The following ADGRF4 variants were observed in gnomAD, a reference collection of about 807,000 sequenced individuals.
The protein encoded by ADGRF4 is G-protein coupled receptor PGR18.
ADGRF4 carries 63 observed loss-of-function variants against 58.5 expected under a neutral mutation model. That is an observed-to-expected ratio of 1.08 (90% CI 0.88 to 1.33). The LOEUF (loss-of-function observed/expected upper bound fraction) is 1.33, where lower values mean the gene tolerates loss of function less well. Ranked by LOEUF, ADGRF4 falls within the 40% of genes most tolerant of loss-of-function variation. The probability of loss-of-function intolerance (pLI) is 0.00; values close to 1 mark genes in which losing one functional copy is unlikely to be tolerated. For synonymous variants in ADGRF4, 313 were observed against 295.4 expected (o/e 1.06, Z -0.61); for missense variants, 931 against 843.9 (o/e 1.10, Z -1.28).
chr6:47,702,022 A>G (rs1051391977), intron 1 of ADGRF4, among the ~76,000 whole-genome samples: 1 of 152,048 alleles, frequency 6.6e-6, no homozygotes, highest in African/African-American at 2.4e-5. Context: ...TGTATTTAGT[A>G]GAGAGGGGGT....
chr6:47,713,769 AGTATAAT>A, intron 5 of ADGRF4, 22 bp from the exon 6 acceptor site: 1 of 1,475,844 alleles, frequency 6.8e-7, no homozygotes. Context: ...GTAAATCCTT[AGTATAAT>A]GTTCACCTTT....
At chr6:47,710,622 C>A (rs1771837254) in intron 3 of ADGRF4, 113 bp from the exon 4 acceptor site, 2 of 1,055,472 alleles carry the variant, frequency 1.9e-6, no homozygotes, top group Admixed American at 2.6e-5. Context: ...AACCCAATTG[C>A]CTCCTCCAGG....
Position 47,714,398 on chromosome 6 carries a change from A to C in ADGRF4, c.1153A>C (p.Met385Leu), listed in dbSNP as rs781070462. Residue 385 changes from methionine to leucine, a missense_variant, in exon 6 of 10, where the codon ATG becomes CTG. Physicochemically the swap from Met to Leu is conservative, Grantham distance 15. Coordinates refer to ENST00000283303, the MANE Select transcript of ADGRF4 (RefSeq NM_153838.5). ...CCGCTGTAACTACACCAGTGTGGTG[A>C]TGTCTTTTTCCATTCTCATGTCCTC... The part of the protein sequence containing the change: ...KCRCNYTSVV[M>L]SFSILMSSKS... 10 of 1,614,024 alleles carry C rather than the reference A, an allele frequency of 6.2e-6. No homozygotes were observed. The highest frequency in any genetic ancestry group is 8.5e-7 in the Non-Finnish European group (1 of 1,180,030).
intron 1 of ADGRF4, among the ~76,000 whole-genome samples, chr6:47,706,015 A>C (rs1456628887): frequency 2.0e-5 from 3 of 152,214 alleles, no homozygotes; most frequent in Admixed American, 6.5e-5. Context: ...AGAATGAATG[A>C]TCATCTACAT....
chr6:47,708,899 AT>A (rs1561866191), intron 3 of ADGRF4, among the ~76,000 whole-genome samples: 1 of 152,242 alleles, frequency 6.6e-6, no homozygotes, highest in East Asian at 1.9e-4. Flanking sequence ...TTTACTGGGC[AT>A]TTAAGACAAC....
At position 47,714,666 on chromosome 6, in the gene ADGRF4, T is replaced by C. The variant is rs1360036626; in HGVS notation, c.1421T>C (p.Val474Ala). The change falls in exon 6 of 10, where the codon GTT becomes GCT. Residue 474 changes from valine (V) to alanine (A), a missense_variant. Coordinates refer to ENST00000283303, the MANE Select transcript of ADGRF4 (RefSeq NM_153838.5). ...NIKAQDYNMCVAVTFFSHFFY... is the reference protein window; with the variant it reads ...NIKAQDYNMCAAVTFFSHFFY... The stretch of plus-strand genomic sequence containing the variant: ...AAGGCCCAGGACTACAACATGTGTG[T>C]TGCAGTGACATTTTTCAGCCACTTT... 1.2e-6 allele frequency: 2 copies of C among 1,614,108 alleles called. No individual in the cohort carries two copies. Among genetic ancestry groups the C allele is most frequent in the Non-Finnish European group, 1.7e-6 (2 of 1,180,042 alleles).
At chr6:47,706,759 A>C (rs1309073798) in intron 1 of ADGRF4, among the ~76,000 whole-genome samples, 1 of 152,214 alleles carries the variant, frequency 6.6e-6, no homozygotes, top group Non-Finnish European at 1.5e-5. Context: ...ACCACTTTTT[A>C]TCAGAGTGAT....
At chr6:47,711,494 C>T (rs754215023) in intron 4 of ADGRF4, among the ~76,000 whole-genome samples, 5 of 152,178 alleles carry the variant, frequency 3.3e-5, no homozygotes, top group Non-Finnish European at 7.3e-5. Context: ...ATCTCTTGAC[C>T]TCGTGATCTG....
At position 47,714,337 on chromosome 6, in the gene ADGRF4, C is replaced by A. The variant is rs961979442; in HGVS notation, c.1092C>A (p.Cys364Ter). Reference protein sequence around the residue: ...SKKRRWDEKACQMMLDIRNEV... With the variant: ...SKKRRWDEKA ...AAAGGAGATGGGATGAGAAAGCGTG[C>A]CAAATGATGTTGGATATCAGGAACG... The change falls in exon 6 of 10, where the codon TGC becomes TGA. Residue 364 changes from cysteine to a stop codon, truncating the protein, a stop_gained. Transcript: ENST00000283303. LOFTEE classifies it high-confidence loss of function. The A allele has an allele frequency of 6.2e-7, 1 of 1,614,126 alleles. No homozygotes were observed. The highest frequency in any genetic ancestry group is 8.5e-7 in the Non-Finnish European group (1 of 1,179,990).
intron 5 of ADGRF4, 111 bp downstream of exon 5, chr6:47,712,719 A>G: frequency 1.4e-6 from 1 of 733,394 alleles, no homozygotes. Context: ...CATCAAAGCA[A>G]CAGCAGGCAT....
At chr6:47,708,325 A>G (rs1771772611) in intron 3 of ADGRF4, 47 bp downstream of exon 3, 7 of 1,438,320 alleles carry the variant, frequency 4.9e-6, no homozygotes, top group Non-Finnish European at 6.9e-6. Context: ...ACAGGGAAGA[A>G]TAAAGGAAGG....
intron 7 of ADGRF4, 59 bp from the exon 8 acceptor site, chr6:47,717,233 C>A (rs1478567506): frequency 5.0e-6 from 6 of 1,209,474 alleles, no homozygotes; most frequent in Admixed American, 3.4e-5. Flanking sequence ...TCAGGACAGG[C>A]AATTCTGTTG....
intron 8 of ADGRF4, among the ~76,000 whole-genome samples, chr6:47,717,961 T>G (rs979088522): frequency 2.6e-5 from 4 of 152,246 alleles, no homozygotes; most frequent in African/African-American, 9.6e-5. Flanking sequence ...AGAAGTTATT[T>G]GTTTAACCTA....
rs200682169 is a variant in ADGRF4 at position 47,714,475 on chromosome 6, C to T, written c.1230C>T (p.Ser410=). 297 of 1,614,034 alleles carry T rather than the reference C, an allele frequency of 1.8e-4. No homozygotes were observed. Among genetic ancestry groups the T allele is most frequent in the Middle Eastern group, 3.3e-4 (2 of 6,084 alleles). ...VLDYITCIGL[S]VSILSLVLCL... ...ACTACATCACCTGCATTGGGCTCAG[C>T]GTCTCAATCCTAAGCTTGGTTCTTT... Residue 410 remains serine (S), a synonymous_variant, in exon 6 of 10, where the codon AGC becomes AGT. Coordinates refer to ENST00000283303, the MANE Select transcript of ADGRF4 (RefSeq NM_153838.5).
At chr6:47,707,202 G>C (rs1248454450) in intron 1 of ADGRF4, 28 bp from the exon 2 acceptor site, 1 of 1,245,726 alleles carries the variant, frequency 8.0e-7, no homozygotes, top group Admixed American at 1.7e-5. Flanking sequence ...TCACCTTCAG[G>C]TGGGTATGCC....
chr6:47,715,446 T>C (rs1375900368), intron 6 of ADGRF4: 3 of 337,744 alleles, frequency 8.9e-6, no homozygotes, highest in East Asian at 9.8e-5. Flanking sequence ...CCTTCACTTA[T>C]AGAGGACTAT....
chr6:47,704,007 A>T (rs1015258459), intron 1 of ADGRF4, among the ~76,000 whole-genome samples: 1 of 152,132 alleles, frequency 6.6e-6, no homozygotes, highest in African/African-American at 2.4e-5. Context: ...GGTAATGGAC[A>T]GTAAACATGA....
rs1772082020 is a variant in ADGRF4 at position 47,718,403 on chromosome 6, C to T, written c.2049C>T (p.Gly683=). The part of the protein sequence containing the change: ...KSRAAENASL[G]PTNGSKLMNR... ...CCCCCACTTAGAATGCATCACTAGG[C>T]CCAACCAATGGATCTAAATTAATGA... Residue 683 remains glycine, a synonymous_variant, in exon 9 of 10, where the codon GGC becomes GGT. Transcript: ENST00000283303. 1 of 1,573,518 alleles carries T rather than the reference C, an allele frequency of 6.4e-7. No individual in the cohort carries two copies. Among genetic ancestry groups the T allele is most frequent in the Non-Finnish European group, 8.7e-7 (1 of 1,143,120 alleles).
intron 1 of ADGRF4, among the ~76,000 whole-genome samples, chr6:47,703,242 C>G (rs1050411045): frequency 6.6e-6 from 1 of 152,164 alleles, no homozygotes; most frequent in Non-Finnish European, 1.5e-5. Flanking sequence ...CCTTTACATT[C>G]TATAAAATAT....
Sources: gnomAD v4.1 joint callset for allele counts (sites outside exome capture counted in the v4.1 genomes callset) on GRCh38, gnomAD v4.1.1 for gene constraint, MANE v1.5 for transcripts, NCBI Gene and HGNC (gene_info 2026-07-23, HGNC 2026-07-21) for gene names.